TNRC6A: variants seen among roughly 807,000 people sequenced by gnomAD.
TNRC6A encodes trinucleotide repeat containing adaptor 6A.
Under a neutral mutation model 221.2 loss-of-function variants are expected in TNRC6A, and 44 were observed. That is an observed-to-expected ratio of 0.20 (90% confidence interval 0.16 to 0.26). The LOEUF (loss-of-function observed/expected upper bound fraction) is 0.26, where lower values mean the gene tolerates loss of function less well. Ranked by LOEUF, TNRC6A falls within the 10% of genes least tolerant of loss-of-function variation. The pLI, the probability that TNRC6A is intolerant of heterozygous loss-of-function variation, is 1.00. For missense variants in TNRC6A, 2,199 were observed against 2,404.4 expected, an observed-to-expected ratio of 0.91 and a Z score of 1.79; for synonymous variants, 847 against 838.5, an observed-to-expected ratio of 1.01 and a Z score of -0.18.
chr16:24,745,290 A>G (rs74016417), intron 2 of TNRC6A, among the ~76,000 whole-genome samples: 3,632 of 152,144 alleles, frequency 0.024, 134 homozygotes, highest in African/African-American at 0.081. Flanking sequence ...GGTGAATTCT[A>G]TAGTTTTGAA....
chr16:24,626,838 A>G (rs934929432), intron 1 of TNRC6A, among the ~76,000 whole-genome samples: 6 of 151,544 alleles, frequency 4.0e-5, no homozygotes, highest in African/African-American at 1.5e-4. Context: ...TTTTTAGTAG[A>G]GAGGGGGGTT....
intron 1 of TNRC6A, among the ~76,000 whole-genome samples, chr16:24,628,382 T>C (rs1194393971): frequency 6.6e-6 from 1 of 151,956 alleles, no homozygotes; most frequent in Non-Finnish European, 1.5e-5. Context: ...ATCGCTCCAT[T>C]GCACTCCAGC....
intron 2 of TNRC6A, among the ~76,000 whole-genome samples, chr16:24,730,606 T>A (rs2056610688): frequency 6.6e-6 from 1 of 152,164 alleles, no homozygotes; most frequent in Non-Finnish European, 1.5e-5. Flanking sequence ...TTGTAAATGG[T>A]TGCAGGCATT....
In TNRC6A at chr16:24,621,161, G is replaced by A. The variant is rs927979137; in HGVS notation, n.276+10677G>A. 4.0e-5 allele frequency among the ~76,000 whole-genome samples: 6 copies of A among 149,318 alleles called. No homozygotes were observed. In the South Asian group the frequency reaches 1.1e-3, roughly 26 times the overall value. ...AGAAAAATAGTATTCAAGTTGTTTA[G>A]CAGTTTCTGTTTCTATAAAAATAAT... On this transcript the variant is annotated intron_variant and non_coding_transcript_variant, in intron 1 of 2. Coordinates refer to the TNRC6A transcript ENST00000566108.
upstream of TNRC6A, among the ~76,000 whole-genome samples, chr16:24,726,103 A>T (rs1002897569): frequency 1.8e-4 from 27 of 152,154 alleles, no homozygotes; most frequent in African/African-American, 6.5e-4. Context: ...CCTGGCACAT[A>T]GTAGGTGCTC....
intron 5 of TNRC6A, among the ~76,000 whole-genome samples, chr16:24,786,036 G>C (rs1255957918): frequency 1.3e-5 from 2 of 152,184 alleles, no homozygotes; most frequent in African/African-American, 2.4e-5. Context: ...TTTGGGAGGA[G>C]AGCAATTTAT....
At chr16:24,725,000 G>A (rs2056468846), upstream of TNRC6A, among the ~76,000 whole-genome samples, 1 of 152,052 alleles carries the variant, frequency 6.6e-6, no homozygotes, top group Non-Finnish European at 1.5e-5. Context: ...AGAAGTTAGA[G>A]AACATCTTTG....
Position 24,660,155 on chromosome 16 carries a change from G to A in TNRC6A, n.402+19146G>A, listed in dbSNP as rs557116017. 2.2e-4 allele frequency among the ~76,000 whole-genome samples: 33 copies of A among 152,126 alleles called. 1 individual carries two copies. In the South Asian group the frequency reaches 5.8e-3, roughly 27 times the overall value. ...TGAGTAAGTTCTTTAGTGGTGATGC[G>A]TGAGATTTTGGTGCAGCCATCACCC... On this transcript the variant is annotated intron_variant and non_coding_transcript_variant, in intron 2 of 2. Transcript: ENST00000566108.
intron 1 of TNRC6A, among the ~76,000 whole-genome samples, chr16:24,624,467 C>CGTTTGTTTGTTTGTTT (rs3042537): frequency 1.5e-4 from 22 of 151,266 alleles, no homozygotes; most frequent in African/African-American, 5.1e-4. Flanking sequence ...TGCTAAGGAC[C>CGTTTGTTTGTTTGTTT]GTTTGTTTGT....
chr16:24,806,426 G>C lies in TNRC6A; in HGVS notation c.4329+143G>C, dbSNP rs535255270. 2.0e-4 allele frequency: 270 copies of C among 1,350,788 alleles called. 2 individuals carry two copies. The East Asian group carries it at 6.2e-3, about 31-fold the overall frequency. 83.7% of individuals were successfully genotyped at this position (1,350,788 alleles called of 1,614,324 possible). A position where few individuals can be genotyped will look rare whatever the true frequency, so the allele number is the denominator to read the frequency against. On this transcript the variant is annotated intron_variant, in intron 16 of 24. Transcript: ENST00000395799. ...CAGTATGTTTTTCATTAAGTCTGCT[G>C]GTTGCCCATGAGTTATGTGAACATT...
intron 17 of TNRC6A, 146 bp from the exon 18 acceptor site, chr16:24,809,204 T>C: frequency 1.4e-6 from 1 of 736,196 alleles, no homozygotes; most frequent in Non-Finnish European, 1.9e-6. Flanking sequence ...GGAGAAATAT[T>C]TTCTACGTAT....
intron 2 of TNRC6A, among the ~76,000 whole-genome samples, chr16:24,712,779 G>T (rs1293557932): frequency 6.6e-6 from 1 of 152,018 alleles, no homozygotes; most frequent in Non-Finnish European, 1.5e-5. Context: ...TTCGAGACAG[G>T]GTCTCGCTCT....
chr16:24,775,392 G>A (rs76080477), intron 4 of TNRC6A, among the ~76,000 whole-genome samples: 2 of 150,802 alleles, frequency 1.3e-5, no homozygotes, highest in Non-Finnish European at 3.0e-5. Flanking sequence ...GAAGTCACAT[G>A]GAAAAAAAAA....
chr16:24,641,643 A>G (rs536627862), intron 2 of TNRC6A, among the ~76,000 whole-genome samples: 1 of 152,328 alleles, frequency 6.6e-6, no homozygotes, highest in South Asian at 2.1e-4. Flanking sequence ...CCCAGTATTG[A>G]TAAAACAAAA....
chr16:24,783,192 G>A (rs1395678009), intron 5 of TNRC6A, among the ~76,000 whole-genome samples: 3 of 151,630 alleles, frequency 2.0e-5, no homozygotes, highest in Non-Finnish European at 4.4e-5. Context: ...GCAGTGGTGC[G>A]ATCTCTGCTC....
chr16:24,696,304 C>T (rs1222016240), intron 2 of TNRC6A, among the ~76,000 whole-genome samples: 2 of 147,320 alleles, frequency 1.4e-5, no homozygotes, highest in African/African-American at 2.5e-5. Context: ...GCCCAGATCG[C>T]GCCACTGCAC....
intron 1 of TNRC6A, among the ~76,000 whole-genome samples, chr16:24,638,065 G>A (rs756245847): frequency 8.5e-5 from 13 of 152,134 alleles, no homozygotes; most frequent in East Asian, 1.9e-4. Flanking sequence ...CATTACAGGC[G>A]TGAGCCACCA....
At chr16:24,735,460 T>C (rs373210582) in intron 2 of TNRC6A, among the ~76,000 whole-genome samples, 1 of 152,350 alleles carries the variant, frequency 6.6e-6, no homozygotes, top group East Asian at 1.9e-4. Context: ...GGCCAACACA[T>C]GCATATTGCT....
chr16:24,820,061 G>T, intron 21 of TNRC6A, 78 bp from the exon 22 acceptor site: 2 of 1,347,254 alleles, frequency 1.5e-6, no homozygotes, highest in Non-Finnish European at 2.1e-6. Context: ...TTTTGTGGGA[G>T]AATGGATGTC....
Sources: allele counts gnomAD v4.1 joint callset (sites outside exome capture counted in the v4.1 genomes callset), GRCh38; gene constraint gnomAD v4.1.1; transcripts MANE v1.5; gene names NCBI Gene and HGNC (gene_info 2026-07-23, HGNC 2026-07-21).